WSCD2: variants seen among roughly 807,000 people sequenced by gnomAD.
The protein encoded by WSCD2 is WSC domain sialate O sulfotransferase 2.
In WSCD2, 28 loss-of-function variants were observed where a neutral mutation model predicts 55.7. The ratio of observed to expected loss-of-function variants is 0.50; its 90% confidence interval spans 0.37 to 0.69. The LOEUF (loss-of-function observed/expected upper bound fraction) is 0.69, where lower values mean the gene tolerates loss of function less well. Among genes scored for constraint, WSCD2 ranks in the 30% least tolerant of loss-of-function variants. WSCD2 has a pLI of 0.00. For missense variants in WSCD2, 616 were observed against 762.1 expected, an observed-to-expected ratio of 0.81 and a Z score of 2.26; for synonymous variants, 301 against 301.9, an observed-to-expected ratio of 1.00 and a Z score of 0.03.
chr12:108,172,632 C>T (rs935288275), intron 1 of WSCD2, among the ~76,000 whole-genome samples: 1 of 152,144 alleles, frequency 6.6e-6, no homozygotes, highest in Non-Finnish European at 1.5e-5. Context: ...GGGGTTACAC[C>T]TCTACAAGTT....
intron 1 of WSCD2, among the ~76,000 whole-genome samples, chr12:108,159,262 T>C (rs757894131): frequency 1.3e-5 from 2 of 152,206 alleles, no homozygotes; most frequent in Non-Finnish European, 2.9e-5. Context: ...CCATCACAGC[T>C]CTGGTGATGA....
chr12:108,236,237 T>G (rs1889255312), intron 7 of WSCD2, among the ~76,000 whole-genome samples: 1 of 152,228 alleles, frequency 6.6e-6, no homozygotes, highest in Non-Finnish European at 1.5e-5. Context: ...CTCAGTTTCC[T>G]GCTCTGTGAG....
At chr12:108,208,997 C>T (rs1314596298) in intron 3 of WSCD2, among the ~76,000 whole-genome samples, 1 of 152,216 alleles carries the variant, frequency 6.6e-6, no homozygotes, top group African/African-American at 2.4e-5. Context: ...AGAACAAGAG[C>T]ACAAGTGCTC....
At chr12:108,200,980 A>G in intron 2 of WSCD2, among the ~76,000 whole-genome samples, 1 of 152,334 alleles carries the variant, frequency 6.6e-6, no homozygotes, top group Non-Finnish European at 1.5e-5. Context: ...AGAAGGAGAA[A>G]AAGTATTTCT....
intron 4 of WSCD2, among the ~76,000 whole-genome samples, chr12:108,219,146 G>A (rs183025369): frequency 1.3e-4 from 20 of 152,272 alleles, no homozygotes; most frequent in East Asian, 7.7e-4. Flanking sequence ...GAGAGAGCCC[G>A]TGGGATTATT....
intron 1 of WSCD2, among the ~76,000 whole-genome samples, chr12:108,188,792 C>T (rs1189550331): frequency 6.6e-6 from 1 of 152,190 alleles, no homozygotes; most frequent in East Asian, 1.9e-4. Flanking sequence ...GTGGTTAAGA[C>T]AGGGAATAGC....
intron 4 of WSCD2, among the ~76,000 whole-genome samples, chr12:108,221,571 C>T (rs565969049): frequency 2.2e-4 from 34 of 152,210 alleles, no homozygotes; most frequent in African/African-American, 8.2e-4. Flanking sequence ...CAACCCAGGC[C>T]ACAAGATGGA....
At chr12:108,198,295 G>A (rs893912599) in intron 2 of WSCD2, among the ~76,000 whole-genome samples, 1 of 152,042 alleles carries the variant, frequency 6.6e-6, no homozygotes, top group African/African-American at 2.4e-5. Context: ...TGAATGACTG[G>A]ATGAATAAAC....
At chr12:108,196,539 G>T in intron 2 of WSCD2, 1 of 253,374 alleles carries the variant, frequency 3.9e-6, no homozygotes. Context: ...AAAACAGTCA[G>T]CATTTATTGG....
intron 1 of WSCD2, among the ~76,000 whole-genome samples, chr12:108,154,097 C>T (rs1019809771): frequency 9.2e-5 from 14 of 151,942 alleles, no homozygotes; most frequent in African/African-American, 3.4e-4. Context: ...AGGTCAGGGC[C>T]CCCTGAGTGT....
intron 7 of WSCD2, 52 bp from the exon 8 acceptor site, chr12:108,240,292 T>C: frequency 6.2e-7 from 1 of 1,604,686 alleles, no homozygotes; most frequent in African/African-American, 1.3e-5. Flanking sequence ...TGGGGTGGGC[T>C]TCTTGCTTCC....
chr12:108,175,852 T>C (rs1322008025), intron 1 of WSCD2, among the ~76,000 whole-genome samples: 1 of 152,226 alleles, frequency 6.6e-6, no homozygotes, highest in Admixed American at 6.5e-5. Context: ...TCTTTTCTTT[T>C]TTTTTGAGAC....
At chr12:108,228,864 C>T (rs148768878) in intron 6 of WSCD2, among the ~76,000 whole-genome samples, 5 of 152,210 alleles carry the variant, frequency 3.3e-5, no homozygotes, top group East Asian at 1.9e-4. Context: ...ATTTACAGTC[C>T]GATGGGGAAG....
At chr12:108,225,837 C>T (rs1888023030) in intron 5 of WSCD2, among the ~76,000 whole-genome samples, 1 of 152,174 alleles carries the variant, frequency 6.6e-6, no homozygotes, top group African/African-American at 2.4e-5. Context: ...TTAAAATGAG[C>T]TAATGACTCA....
intron 1 of WSCD2, among the ~76,000 whole-genome samples, chr12:108,181,332 A>G (rs1881728039): frequency 1.3e-5 from 2 of 152,092 alleles, no homozygotes; most frequent in Non-Finnish European, 2.9e-5. Flanking sequence ...TAAAGACATC[A>G]TGACAGCAAA....
intron 2 of WSCD2, among the ~76,000 whole-genome samples, chr12:108,202,091 G>A (rs890227540): frequency 4.6e-5 from 7 of 152,182 alleles, no homozygotes; most frequent in African/African-American, 9.7e-5. Context: ...TGAAGGTGGA[G>A]CCCTGAGGAA....
intron 1 of WSCD2, among the ~76,000 whole-genome samples, chr12:108,172,879 C>A (rs1880378467): frequency 6.6e-6 from 1 of 152,024 alleles, no homozygotes; most frequent in South Asian, 2.1e-4. Flanking sequence ...AAGTTTGTGT[C>A]CCCCCAGATT....
chr12:108,232,018 AG>A (rs1408965733), intron 6 of WSCD2, among the ~76,000 whole-genome samples: 1 of 152,172 alleles, frequency 6.6e-6, no homozygotes, highest in Non-Finnish European at 1.5e-5. Context: ...GGCAATGGAG[AG>A]GGAACAGCAT....
Position 108,210,196 on chromosome 12 carries a change from C to A in WSCD2, c.573C>A (p.Ser191Arg), listed in dbSNP as rs1258363913. 1 of 1,613,924 alleles carries A rather than the reference C, an allele frequency of 6.2e-7. No individual in the cohort carries two copies. The highest frequency in any genetic ancestry group is 2.2e-5 in the East Asian group (1 of 44,888). The change falls in exon 4 of 9, where the codon AGC becomes AGA. Residue 191 changes from serine (S) to arginine (R), a missense_variant. Ser to Arg is a moderately radical substitution (Grantham distance 110). Around this residue, in one of 3 missense-constraint regions of WSCD2, gnomAD observed 374 missense variants for 467.4 expected, o/e 0.80. Transcript: ENST00000547525. The surrounding 1 kb of genome is among the most constrained non-coding windows in gnomAD (Gnocchi z 4.3). ...CGHKIQATNVSEAECDMECKG... is the reference protein window; with the variant it reads ...CGHKIQATNVREAECDMECKG... ...ACAAGATCCAGGCGACGAACGTGAG[C>A]GAGGCAGAGTGCGACATGGAGTGCA...
Sources: gnomAD v4.1 joint callset for allele counts (sites outside exome capture counted in the v4.1 genomes callset) on GRCh38, gnomAD v4.1.1 for gene constraint, gnomAD v4.1.1 regional missense constraint, Gnocchi (gnomAD v3.1) non-coding constraint, MANE v1.5 for transcripts, NCBI Gene and HGNC (gene_info 2026-07-23, HGNC 2026-07-21) for gene names.